The following AKR1C3 variants were observed in gnomAD, a reference collection of about 807,000 sequenced individuals.
AKR1C3 encodes the protein aldo-keto reductase family 1 member C3, also known as 3-alpha hydroxysteroid dehydrogenase, type II.
A neutral mutation model predicts 43.6 loss-of-function variants in AKR1C3; 48 were observed. The ratio of observed to expected loss-of-function variants is 1.10; its 90% CI spans 0.87 to 1.40. The LOEUF is 1.40. Among genes scored for constraint, AKR1C3 ranks in the 40% most tolerant of loss-of-function variants. The pLI, the probability that AKR1C3 is intolerant of heterozygous loss-of-function variation, is 0.00. For missense variants in AKR1C3, 482 were observed against 391.2 expected (o/e 1.23, Z -1.96); for synonymous variants, 162 against 139.6 (o/e 1.16, Z -1.13).
At chr10:5,075,757 C>A (rs1269018512) in intron 1 of AKR1C3, among the ~76,000 whole-genome samples, 2 of 152,016 alleles carry the variant, frequency 1.3e-5, no homozygotes, top group African/African-American at 2.4e-5. Flanking sequence ...GCCTCCTATC[C>A]CACCTACTCG....
In AKR1C3 at chr10:5,102,477, C is replaced by G. The variant is rs782003008; in HGVS notation, c.681-8C>G. ...TCAGGGCCTCAGCCTTTCTGCCTTT[C>G]CTTCCAGGGTGGACCCGAACTCCCC... On this transcript the variant is annotated splice_region_variant and splice_polypyrimidine_tract_variant and intron_variant, in intron 6 of 8. Coordinates refer to ENST00000380554, the MANE Select transcript of AKR1C3 (RefSeq NM_003739.6). 1.8e-5 allele frequency: 27 copies of G among 1,528,060 alleles called. No individual in the cohort carries two copies. The allele number at this position is 1,528,060 out of a possible 1,614,324, so 94.7% of individuals were successfully genotyped here. A position where few individuals can be genotyped will look rare whatever the true frequency, so the allele number is the denominator to read the frequency against.
At position 5,102,621 on chromosome 10, in the gene AKR1C3, A is replaced by G. The variant is rs782328441; in HGVS notation, c.817A>G (p.Asn273Asp). ...GGTTGTGGTCCTGGCCAAGAGCTACAATGAGCAGCGCATCAGACAGAACGT... is the reference window on the plus strand; with the variant it reads ...GGTTGTGGTCCTGGCCAAGAGCTACGATGAGCAGCGCATCAGACAGAACGT... ...RGVVVLAKSY[N>D]EQRIRQNVQV... is the part of the protein sequence containing the mutation. Residue 273 changes from asparagine (N) to aspartate (D), a missense_variant, in exon 7 of 9, where the codon AAT becomes GAT. Asn to Asp is a conservative substitution (Grantham distance 23, BLOSUM62 1). Coordinates refer to ENST00000380554, the MANE Select transcript of AKR1C3 (RefSeq NM_003739.6). 1.7e-5 allele frequency: 26 copies of G among 1,501,924 alleles called. No individual in the cohort carries two copies. The East Asian group carries it at 6.0e-4, about 34-fold the overall frequency. 93.0% of individuals were successfully genotyped at this position (1,501,924 alleles called of 1,614,324 possible).
intron 1 of AKR1C3, among the ~76,000 whole-genome samples, chr10:5,055,948 C>T (rs1465155117): frequency 6.6e-6 from 1 of 152,180 alleles, no homozygotes; most frequent in African/African-American, 2.4e-5. Flanking sequence ...AGGCTGTATT[C>T]GTTCCTTGCT....
At chr10:5,102,770 T>G in intron 7 of AKR1C3, 120 bp downstream of exon 7, 1 of 1,502,948 alleles carries the variant, frequency 6.7e-7, no homozygotes, top group Non-Finnish European at 8.9e-7. Context: ...CCCATATGAA[T>G]GCTTTGCGTG....
chr10:5,058,164 G>T (rs1293798446), intron 1 of AKR1C3, among the ~76,000 whole-genome samples: 3 of 152,128 alleles, frequency 2.0e-5, no homozygotes, highest in Non-Finnish European at 2.9e-5. Flanking sequence ...TAATAGGAAG[G>T]GGAGTTATAG....
intron 1 of AKR1C3, among the ~76,000 whole-genome samples, chr10:5,072,518 C>G (rs1554781413): frequency 6.6e-6 from 1 of 152,154 alleles, no homozygotes; most frequent in African/African-American, 2.4e-5. Flanking sequence ...GAAAAGCTGA[C>G]TAAGCCTCTA....
At position 5,098,879 on chromosome 10, in the gene AKR1C3, G is replaced by A. The variant is rs782231698; in HGVS notation, c.447G>A (p.Glu149=). Residue 149 remains glutamate, a splice_region_variant and synonymous_variant, in exon 4 of 9, where the codon GAG becomes GAA. Coordinates refer to ENST00000380554, the MANE Select transcript of AKR1C3 (RefSeq NM_003739.6). ...FDIVDLCTTW[E]AMEKCKDAGL... ...TAGTGGATCTCTGTACCACCTGGGA[G>A]GTGAGTGCTTGGCGGAGAGGACACA... The A allele has an allele frequency of 6.2e-7, 1 of 1,611,216 alleles. No homozygotes were observed. The highest frequency in any genetic ancestry group is 1.7e-5 in the Admixed American group (1 of 59,608).
chr10:5,081,786 G>A (rs1420112147), intron 1 of AKR1C3: 3 of 152,132 alleles, frequency 2.0e-5, no homozygotes, highest in African/African-American at 7.2e-5. Flanking sequence ...CATCTGTCCT[G>A]GGCACTGGTA....
At chr10:5,087,874 C>A (rs1554783465) in intron 1 of AKR1C3, among the ~76,000 whole-genome samples, 1 of 151,560 alleles carries the variant, frequency 6.6e-6, no homozygotes, top group African/African-American at 2.4e-5. Context: ...TAACTTTGGG[C>A]TTGGTTTGCT....
intron 1 of AKR1C3, among the ~76,000 whole-genome samples, chr10:5,085,785 CT>C (rs1334477621): frequency 1.3e-5 from 2 of 151,882 alleles, no homozygotes; most frequent in African/African-American, 4.9e-5. Flanking sequence ...GATTCAACTT[CT>C]TCCTGGTTTA....
In AKR1C3 at chr10:5,085,294, G is replaced by A. The variant is rs1588347299; in HGVS notation, c.85-11116G>A. On this transcript the variant is annotated intron_variant, in intron 1 of 8. Coordinates refer to the AKR1C3 transcript ENST00000439082. ...AGAGTTTTTAGCATGAAGCGTTGTT[G>A]AATTTTGTCAAAGGCCTTTTCTGCA... is the stretch of plus-strand genomic sequence containing the variant. Among the ~76,000 whole-genome samples the A allele has an allele frequency of 2.0e-5, 3 of 151,872 alleles. 1 individual carries two copies. The highest frequency in any genetic ancestry group is 7.3e-5 in the African/African-American group (3 of 41,376).
intron 1 of AKR1C3, among the ~76,000 whole-genome samples, chr10:5,066,990 A>C (rs1475040261): frequency 6.6e-6 from 1 of 152,238 alleles, no homozygotes; most frequent in Non-Finnish European, 1.5e-5. Flanking sequence ...GCCTCCTGGC[A>C]ATGTTCTCTT....
chr10:5,075,843 T>C (rs1554781780), intron 1 of AKR1C3, among the ~76,000 whole-genome samples: 1 of 150,158 alleles, frequency 6.7e-6, no homozygotes, highest in African/African-American at 2.5e-5. Context: ...CATTGCACTC[T>C]AGCCTGGGCA....
chr10:5,084,741 C>A (rs1431187479), intron 1 of AKR1C3, among the ~76,000 whole-genome samples: 2 of 152,154 alleles, frequency 1.3e-5, no homozygotes, highest in Non-Finnish European at 2.9e-5. Flanking sequence ...TTTGTATCCT[C>A]TTTTATTTCA....
intron 1 of AKR1C3, among the ~76,000 whole-genome samples, chr10:5,049,580 C>G (rs1588326167): frequency 6.6e-6 from 1 of 152,320 alleles, no homozygotes; most frequent in Admixed American, 6.5e-5. Context: ...TCCTCTGACA[C>G]AAATGTGAGC....
intron 1 of AKR1C3, among the ~76,000 whole-genome samples, chr10:5,049,482 G>C (rs998666096): frequency 5.3e-5 from 8 of 151,614 alleles, no homozygotes; most frequent in Non-Finnish European, 1.0e-4. Context: ...TAAGAGAAAA[G>C]AAAAAACGAC....
chr10:5,103,973 A>C (rs1839427708), intron 7 of AKR1C3, among the ~76,000 whole-genome samples: 1 of 152,038 alleles, frequency 6.6e-6, no homozygotes, highest in Non-Finnish European at 1.5e-5. Flanking sequence ...GATATATGAG[A>C]TAGATTACAC....
At chr10:5,058,697 C>G (rs74209028) in intron 1 of AKR1C3, among the ~76,000 whole-genome samples, 1 of 152,092 alleles carries the variant, frequency 6.6e-6, no homozygotes, top group South Asian at 2.1e-4. Context: ...GGAATACTTG[C>G]GCTCACCGAC....
chr10:5,086,593 C>T (rs769915930), intron 1 of AKR1C3, among the ~76,000 whole-genome samples: 14 of 150,514 alleles, frequency 9.3e-5, no homozygotes, highest in East Asian at 1.9e-4. Flanking sequence ...CTATTAGGTC[C>T]GCTTGGTGCA....
Sources: allele counts gnomAD v4.1 joint callset (sites outside exome capture counted in the v4.1 genomes callset), GRCh38; gene constraint gnomAD v4.1.1; transcripts MANE v1.5; gene names NCBI Gene and HGNC (gene_info 2026-07-23, HGNC 2026-07-21).